The following SAMD4B variants were observed in gnomAD, a reference collection of about 807,000 sequenced individuals.
SAMD4B encodes sterile alpha motif domain containing 4B.
SAMD4B carries 5 observed loss-of-function variants against 74.5 expected under a neutral mutation model. The ratio of observed to expected loss-of-function variants is 0.07; its 90% CI spans 0.04 to 0.14. The LOEUF (loss-of-function observed/expected upper bound fraction) is 0.14. Ranked by LOEUF, SAMD4B falls within the 10% of genes least tolerant of loss-of-function variation. The pLI is 1.00. For synonymous variants in SAMD4B, 373 were observed against 374.9 expected, an observed-to-expected ratio of 1.00 and a Z score of 0.06; for missense variants, 608 against 921.8, an observed-to-expected ratio of 0.66 and a Z score of 4.41.
intron 3 of SAMD4B, among the ~76,000 whole-genome samples, chr19:39,368,216 A>G (rs1023298201): frequency 2.0e-5 from 3 of 152,122 alleles, no homozygotes. Context: ...TCCGCCTCAA[A>G]AAAAAAGAAA....
At chr19:39,354,434 TTCTA>T (rs1415255491) in intron 2 of SAMD4B, among the ~76,000 whole-genome samples, 1 of 152,220 alleles carries the variant, frequency 6.6e-6, no homozygotes, top group Non-Finnish European at 1.5e-5. Context: ...GAGCTGTTCC[TTCTA>T]TCTTCTTCCC....
chr19:39,380,795 C>G lies in SAMD4B; in HGVS notation c.1848+10C>G. 6.5e-7 allele frequency: 1 copy of G among 1,529,020 alleles called. No individual in the cohort carries two copies. The highest frequency in any genetic ancestry group is 8.8e-7 in the Non-Finnish European group (1 of 1,140,434). 94.7% of individuals were successfully genotyped at this position (1,529,020 alleles called of 1,614,324 possible). On this transcript the variant is annotated intron_variant, in intron 11 of 13. Coordinates refer to ENST00000610417, the MANE Select transcript of SAMD4B (RefSeq NM_001384574.2). The stretch of plus-strand genomic sequence containing the variant: ...AGGCCAGGGCCGACAGGTAAGCTGG[C>G]TGGAAGCAGGGGCCTGGCCTCCTGG...
Position 39,342,452 on chromosome 19 carries a change from C to T in SAMD4B, c.-391C>T. The T allele has an allele frequency of 5.5e-6, 1 of 180,386 alleles. No homozygotes were observed. The highest frequency in any genetic ancestry group is 1.1e-5 in the Non-Finnish European group (1 of 90,550). The allele number at this position is 180,386 out of a possible 1,614,324, so 11.2% of individuals were successfully genotyped here. ...CGGTGACGCAGCGCGACGGCGGCGG[C>T]GGCGGCGGCGGCGGTGGTCGGTGCG... On this transcript the variant is annotated 5_prime_UTR_variant, in exon 1 of 14. Coordinates refer to ENST00000610417, the MANE Select transcript of SAMD4B (RefSeq NM_001384574.2).
At chr19:39,361,247 C>T (rs894483703) in intron 3 of SAMD4B, among the ~76,000 whole-genome samples, 2 of 152,124 alleles carry the variant, frequency 1.3e-5, no homozygotes, top group African/African-American at 2.4e-5. Context: ...TTCCCCTCCT[C>T]CCCACCCTCC....
At chr19:39,371,689 T>C (rs1379098440) in intron 4 of SAMD4B, among the ~76,000 whole-genome samples, 2 of 151,930 alleles carry the variant, frequency 1.3e-5, no homozygotes, top group Non-Finnish European at 2.9e-5. Context: ...TGGTGGTGCA[T>C]GCCTATAATT....
chr19:39,388,146 A>G (rs570647401), downstream of SAMD4B, among the ~76,000 whole-genome samples: 5 of 152,332 alleles, frequency 3.3e-5, no homozygotes, highest in East Asian at 9.6e-4. Flanking sequence ...ATCTCAAAAA[A>G]AAAGATTTTT....
chr19:39,388,883 C>G (rs1230916428), downstream of SAMD4B: 1 of 1,612,590 alleles, frequency 6.2e-7, no homozygotes, highest in Admixed American at 1.7e-5. Context: ...GATGGAGGCA[C>G]TGGGGTTAGA....
At chr19:39,365,869 A>G (rs1008989043) in intron 3 of SAMD4B, among the ~76,000 whole-genome samples, 2 of 152,182 alleles carry the variant, frequency 1.3e-5, no homozygotes, top group African/African-American at 2.4e-5. Flanking sequence ...TGCTGTAGAC[A>G]TAGTATGAGT....
Position 39,380,619 on chromosome 19 carries a change from C to G in SAMD4B, c.1682C>G (p.Ala561Gly). The change falls in exon 11 of 14, where the codon GCT becomes GGT. Residue 561 changes from alanine to glycine, a missense_variant. This residue lies in a region of SAMD4B where 167 missense variants were observed against 193.0 expected (regional missense o/e 0.87). Coordinates refer to ENST00000610417, the MANE Select transcript of SAMD4B (RefSeq NM_001384574.2). ...TTCGGCTCCAACTCGCTCCCCATAGCTGGCTCTGTGGGGATGGGAGTGGCC... is the reference window on the plus strand; with the variant it reads ...TTCGGCTCCAACTCGCTCCCCATAGGTGGCTCTGTGGGGATGGGAGTGGCC... Reference protein sequence around the residue: ...WAFGSNSLPIAGSVGMGVARR... With the variant: ...WAFGSNSLPIGGSVGMGVARR... The G allele has an allele frequency of 6.2e-7, 1 of 1,614,200 alleles. No homozygotes were observed. The highest frequency in any genetic ancestry group is 8.5e-7 in the Non-Finnish European group (1 of 1,180,036).
chr19:39,387,559 C>T (rs1442771687), downstream of SAMD4B, among the ~76,000 whole-genome samples: 4 of 152,214 alleles, frequency 2.6e-5, no homozygotes, highest in Admixed American at 2.6e-4. Flanking sequence ...CATTTCCTGC[C>T]TGGCCTATGG....
At chr19:39,371,440 T>C (rs755961304) in intron 4 of SAMD4B, among the ~76,000 whole-genome samples, 2 of 152,166 alleles carry the variant, frequency 1.3e-5, no homozygotes, top group Admixed American at 6.5e-5. Context: ...ACCTGAGGTG[T>C]CTTGGACCTC....
intron 9 of SAMD4B, 32 bp from the exon 10 acceptor site, chr19:39,379,934 T>C (rs1483492662): frequency 6.5e-7 from 1 of 1,535,176 alleles, no homozygotes; most frequent in Non-Finnish European, 9.0e-7. Flanking sequence ...AGCATCACCC[T>C]CTCTGCTTCA....
chr19:39,383,769 G>T lies in SAMD4B; in HGVS notation c.*242G>T. On this transcript the variant is annotated 3_prime_UTR_variant, in exon 14 of 14. Coordinates refer to ENST00000610417, the MANE Select transcript of SAMD4B (RefSeq NM_001384574.2). This position sits in a 1 kb window ranked among gnomAD's most constrained non-coding sequence, Gnocchi z 4.1. Reference sequence around the variant, plus strand: ...GGGGGCAGCCAGGATAAAGGGGGCAGGGACTGGCCAGACTGCCTGCCTCTC... The same window carrying T: ...GGGGGCAGCCAGGATAAAGGGGGCATGGACTGGCCAGACTGCCTGCCTCTC... 1 of 1,477,674 alleles carries T rather than the reference G, an allele frequency of 6.8e-7. No homozygotes were observed. The highest frequency in any genetic ancestry group is 9.1e-7 in the Non-Finnish European group (1 of 1,096,524). 91.5% of individuals were successfully genotyped at this position (1,477,674 alleles called of 1,614,324 possible).
downstream of SAMD4B, chr19:39,389,818 CT>C: frequency 1.2e-6 from 2 of 1,610,858 alleles, no homozygotes; most frequent in Non-Finnish European, 1.7e-6. The surrounding 1 kb of genome is among the most constrained non-coding windows in gnomAD (Gnocchi z 5.3). Context: ...CCTCACAGCC[CT>C]GCTTCCCAGA....
At position 39,383,476 on chromosome 19, in the gene SAMD4B, C is replaced by T. The variant is rs1386296431; in HGVS notation, c.2057-23C>T. On this transcript the variant is annotated intron_variant, in intron 13 of 13. Coordinates refer to ENST00000610417, the MANE Select transcript of SAMD4B (RefSeq NM_001384574.2). This position sits in a 1 kb window ranked among gnomAD's most constrained non-coding sequence, Gnocchi z 4.1. ...CTCCCTCCAGCTCCTGATCTTCCTC[C>T]CTTCCTCCCTTTCTTACCACAGATG... is the stretch of plus-strand genomic sequence containing the variant. 1 of 1,612,042 alleles carries T rather than the reference C, an allele frequency of 6.2e-7. No homozygotes were observed. The highest frequency in any genetic ancestry group is 8.5e-7 in the Non-Finnish European group (1 of 1,178,178).
intron 1 of SAMD4B, among the ~76,000 whole-genome samples, chr19:39,343,578 C>G (rs1187865140): frequency 6.6e-6 from 1 of 151,498 alleles, no homozygotes; most frequent in Non-Finnish European, 1.5e-5. Flanking sequence ...CTGTCTCCCC[C>G]TGGTCTCACC....
intron 3 of SAMD4B, among the ~76,000 whole-genome samples, chr19:39,357,703 CAG>C (rs755149135): frequency 5.9e-5 from 9 of 152,160 alleles, no homozygotes; most frequent in Non-Finnish European, 1.0e-4. Context: ...AGGCTAGAAT[CAG>C]GGGCTACTGC....
intron 9 of SAMD4B, among the ~76,000 whole-genome samples, chr19:39,379,610 G>T (rs2077828240): frequency 6.6e-6 from 1 of 152,140 alleles, no homozygotes; most frequent in Non-Finnish European, 1.5e-5. Flanking sequence ...TCGCTCTGTT[G>T]CCCAGGCTGG....
intron 1 of SAMD4B, among the ~76,000 whole-genome samples, chr19:39,343,630 ATCTTCACC>A (rs2075480645): frequency 6.6e-6 from 1 of 151,348 alleles, no homozygotes; most frequent in Non-Finnish European, 1.5e-5. Flanking sequence ...TAGCCCAGTG[ATCTTCACC>A]GGGATCCCCT....
Sources: allele counts gnomAD v4.1 joint callset (sites outside exome capture counted in the v4.1 genomes callset), GRCh38; gene constraint gnomAD v4.1.1; regional missense constraint gnomAD v4.1.1; non-coding constraint Gnocchi (gnomAD v3.1); transcripts MANE v1.5; gene names NCBI Gene and HGNC (gene_info 2026-07-23, HGNC 2026-07-21).